Variants in WAPL observed in about 807,000 individuals in gnomAD.
WAPL encodes WAPL cohesin release factor.
Under a neutral mutation model 121.0 loss-of-function variants are expected in WAPL, and 5 were observed. That is an observed-to-expected ratio of 0.04 (90% CI 0.02 to 0.09). The LOEUF is 0.09. Among genes scored for constraint, WAPL ranks in the 10% least tolerant of loss-of-function variants. The pLI, the probability that WAPL is intolerant of heterozygous loss-of-function variation, is 1.00. For synonymous variants in WAPL, 480 were observed against 481.5 expected (o/e 1.00, Z 0.04); for missense variants, 999 against 1,410.8 (o/e 0.71, Z 4.68).
chr10:86,509,766 T>A (rs12765482), intron 2 of WAPL, among the ~76,000 whole-genome samples: 8 of 9,158 alleles, frequency 8.7e-4, no homozygotes, highest in Admixed American at 7.4e-3. Context: ...AGCTCTTTGG[T>A]TTTTTTTTTT....
At position 86,521,604 on chromosome 10, in the gene WAPL, T is replaced by C; in HGVS notation, c.-262A>G. On this transcript the variant is annotated 5_prime_UTR_variant, in exon 1 of 19. Coordinates refer to ENST00000298767, the MANE Select transcript of WAPL (RefSeq NM_015045.5). ...GGCCGGGCCCAGGCCTAGCTCTCGC[T>C]GGCCGCCACTGCTGGAGCTGGTAAC... 1 of 453,854 alleles carries C rather than the reference T, an allele frequency of 2.2e-6. No homozygotes were observed. The highest frequency in any genetic ancestry group is 4.5e-6 in the Non-Finnish European group (1 of 220,852). 28.1% of individuals were successfully genotyped at this position (453,854 alleles called of 1,614,324 possible). A position where few individuals can be genotyped will look rare whatever the true frequency, so the allele number is the denominator to read the frequency against.
chr10:86,455,689 AAAAAAAAG>A (rs1564566298), intron 12 of WAPL, among the ~76,000 whole-genome samples: 3 of 129,498 alleles, frequency 2.3e-5, no homozygotes. Context: ...ATACTAAAAA[AAAAAAAAG>A]AAAGAAAGAA....
intron 16 of WAPL, chr10:86,443,910 G>A (rs4934210): frequency 0.4 from 61,586 of 153,566 alleles, 12,565 homozygotes; most frequent in Non-Finnish European, 0.43. Context: ...GTAGCTCCCA[G>A]CTACTTGCAA....
chr10:86,448,662 T>A (rs916651447), intron 15 of WAPL, among the ~76,000 whole-genome samples: 1 of 152,208 alleles, frequency 6.6e-6, no homozygotes, highest in African/African-American at 2.4e-5. Flanking sequence ...TTGCCCAGGC[T>A]GGAGTGCAGT....
intron 8 of WAPL, among the ~76,000 whole-genome samples, chr10:86,467,782 T>C (rs1440283120): frequency 1.3e-5 from 2 of 151,732 alleles, no homozygotes; most frequent in African/African-American, 4.8e-5. Flanking sequence ...GTTCAAGCGA[T>C]TCTCCTGCCT....
At chr10:86,455,697 G>GAAAAAAAAAAA (rs1220963010) in intron 12 of WAPL, among the ~76,000 whole-genome samples, 1 of 131,338 alleles carries the variant, frequency 7.6e-6, no homozygotes, top group Non-Finnish European at 1.6e-5. Flanking sequence ...AAAAAAAAAA[G>GAAAAAAAAAAA]AAAGAAAGAA....
chr10:86,450,356 G>A (rs751124148), intron 15 of WAPL, among the ~76,000 whole-genome samples: 4 of 152,020 alleles, frequency 2.6e-5, no homozygotes, highest in Non-Finnish European at 4.4e-5. Context: ...TCACTTCAGC[G>A]TCCCGAGCAG....
intron 4 of WAPL, among the ~76,000 whole-genome samples, chr10:86,495,824 T>C (rs939360688): frequency 6.6e-6 from 1 of 152,018 alleles, no homozygotes; most frequent in Non-Finnish European, 1.5e-5. Flanking sequence ...AATTCAAAAA[T>C]GGGCAAAGGG....
At position 86,449,228 on chromosome 10, in the gene WAPL, C is replaced by T. The variant is rs529008873; in HGVS notation, c.3114+2739G>A. 5.3e-5 allele frequency among the ~76,000 whole-genome samples: 8 copies of T among 152,272 alleles called. No homozygotes were observed. In the South Asian group the frequency reaches 1.0e-3, roughly 20 times the overall value. On this transcript the variant is annotated intron_variant, in intron 15 of 18. Coordinates refer to ENST00000298767, the MANE Select transcript of WAPL (RefSeq NM_015045.5). ...TTGAAAATTACTGGATTCAGGCCAACGTTATCAGTAGCATAAACGATATAA... is the reference window on the plus strand; with the variant it reads ...TTGAAAATTACTGGATTCAGGCCAATGTTATCAGTAGCATAAACGATATAA...
chr10:86,461,507 GT>G (rs749215419), intron 9 of WAPL, among the ~76,000 whole-genome samples: 6 of 151,522 alleles, frequency 4.0e-5, no homozygotes, highest in Non-Finnish European at 7.4e-5. Context: ...TCATTTGTCA[GT>G]TTAATATTAT....
chr10:86,512,810 G>A (rs1206937317), intron 2 of WAPL, among the ~76,000 whole-genome samples: 1 of 152,172 alleles, frequency 6.6e-6, no homozygotes, highest in Non-Finnish European at 1.5e-5. Context: ...AACAAGATCT[G>A]CCAGATACAA....
At chr10:86,438,420 A>G (rs1386804209) in intron 17 of WAPL, among the ~76,000 whole-genome samples, 1 of 152,098 alleles carries the variant, frequency 6.6e-6, no homozygotes, top group Non-Finnish European at 1.5e-5. Context: ...TGCCTGGCTA[A>G]TTTTTGTATT....
Position 86,467,485 on chromosome 10 carries a change from C to A in WAPL, c.2164G>T (p.Ala722Ser). ...TCTCTACTCAGTATATACATGAGGG[C>A]AGCTGTACAGAGGGACAGATTCTTC... The part of the protein sequence containing the change: ...HHQNLSLCTA[A>S]LMYILSRDRL... Residue 722 changes from alanine (A) to serine (S), a missense_variant, in exon 9 of 19, where the codon GCC becomes TCC. Ala to Ser is a moderately conservative substitution (Grantham distance 99). Coordinates refer to ENST00000298767, the MANE Select transcript of WAPL (RefSeq NM_015045.5). 1.2e-6 allele frequency: 2 copies of A among 1,613,462 alleles called. No individual in the cohort carries two copies. Among genetic ancestry groups the A allele is most frequent in the Non-Finnish European group, 1.7e-6 (2 of 1,179,886 alleles).
chr10:86,451,822 G>A, intron 15 of WAPL, 145 bp downstream of exon 15: 1 of 811,766 alleles, frequency 1.2e-6, no homozygotes, highest in Non-Finnish European at 1.9e-6. Flanking sequence ...TGCTTCAGGA[G>A]TTCTAACTAA....
chr10:86,472,478 G>T lies in WAPL; in HGVS notation c.1893+134C>A. On this transcript the variant is annotated intron_variant, in intron 6 of 18. Transcript: ENST00000298767. The surrounding 1 kb of genome is among the most constrained non-coding windows in gnomAD (Gnocchi z 4.2). ...ACAAAAATATTTTTAGAACAAGGATGATGGTAGGACAAAAGAAGTTTGTGG... is the reference window on the plus strand; with the variant it reads ...ACAAAAATATTTTTAGAACAAGGATTATGGTAGGACAAAAGAAGTTTGTGG... The T allele has an allele frequency of 3.3e-6, 5 of 1,501,372 alleles. No homozygotes were observed. The South Asian group carries it at 5.1e-5, about 15-fold the overall frequency. 93.0% of individuals were successfully genotyped at this position (1,501,372 alleles called of 1,614,324 possible). A position where few individuals can be genotyped will look rare whatever the true frequency, so the allele number is the denominator to read the frequency against.
chr10:86,451,804 C>A (rs1840987738), intron 15 of WAPL, among the ~76,000 whole-genome samples, 163 bp downstream of exon 15: 1 of 152,156 alleles, frequency 6.6e-6, no homozygotes, highest in African/African-American at 2.4e-5. Context: ...TCTACCCCAG[C>A]AGAGACATGC....
chr10:86,461,775 G>A (rs773307666), intron 9 of WAPL, among the ~76,000 whole-genome samples: 1 of 152,166 alleles, frequency 6.6e-6, no homozygotes, highest in African/African-American at 2.4e-5. Flanking sequence ...TTTTTACAAC[G>A]ACAGTAACCT....
chr10:86,508,610 C>T (rs567393934), intron 2 of WAPL, among the ~76,000 whole-genome samples: 11 of 152,206 alleles, frequency 7.2e-5, no homozygotes, highest in African/African-American at 1.9e-4. Flanking sequence ...AGCAGCATTC[C>T]GCGTCAGTCA....
At chr10:86,441,910 C>T (rs999520665) in intron 17 of WAPL, among the ~76,000 whole-genome samples, 3 of 152,218 alleles carry the variant, frequency 2.0e-5, no homozygotes, top group Non-Finnish European at 2.9e-5. Context: ...GCACTGACAT[C>T]ACCCAAATTA....
Sources: gnomAD v4.1 joint callset for allele counts (sites outside exome capture counted in the v4.1 genomes callset) on GRCh38, gnomAD v4.1.1 for gene constraint, Gnocchi (gnomAD v3.1) non-coding constraint, MANE v1.5 for transcripts, NCBI Gene and HGNC (gene_info 2026-07-23, HGNC 2026-07-21) for gene names.